Variants in ALS2 observed in about 807,000 individuals in gnomAD.
ALS2 encodes alsin Rho guanine nucleotide exchange factor ALS2.
ALS2 carries 117 observed loss-of-function variants against 203.4 expected under a neutral mutation model. That is an observed-to-expected ratio of 0.58 (90% CI 0.50 to 0.67). The LOEUF (loss-of-function observed/expected upper bound fraction) is 0.67, where lower values mean the gene tolerates loss of function less well. ALS2 is among the 30% of genes least tolerant of loss of function. The pLI, the probability that ALS2 is intolerant of heterozygous loss-of-function variation, is 0.00. For synonymous variants in ALS2, 718 were observed against 725.9 expected (o/e 0.99, Z 0.17); for missense variants, 1,715 against 1,989.4 (o/e 0.86, Z 2.62).
intron 1 of ALS2, among the ~76,000 whole-genome samples, chr2:201,771,786 C>T (rs909103419): frequency 6.6e-6 from 1 of 152,158 alleles, no homozygotes; most frequent in South Asian, 2.1e-4. Context: ...GGGGATATTT[C>T]TTCCAGAGAA....
At chr2:201,763,107 C>A in intron 3 of ALS2, 1 of 199,302 alleles carries the variant, frequency 5.0e-6, no homozygotes. Flanking sequence ...CCACTGGGGA[C>A]TACAATGGCC....
chr2:201,762,906 A>C (rs1245991984), intron 3 of ALS2: 5 of 155,994 alleles, frequency 3.2e-5, no homozygotes, highest in African/African-American at 1.2e-4. Flanking sequence ...CCCATGACCA[A>C]GCTGAGCTGC....
intron 17 of ALS2, 113 bp downstream of exon 17, chr2:201,727,099 G>T: frequency 1.8e-6 from 2 of 1,092,994 alleles, no homozygotes; most frequent in Non-Finnish European, 2.8e-6. Flanking sequence ...AGATTTATCA[G>T]ACAGAACTGT....
chr2:201,778,485 A>C (rs1349939917), intron 1 of ALS2: 3 of 152,202 alleles, frequency 2.0e-5, no homozygotes, highest in African/African-American at 7.2e-5. Flanking sequence ...ATCAAGACAT[A>C]AGCTAAAGAA....
At chr2:201,777,629 A>G (rs1694717414) in intron 1 of ALS2, among the ~76,000 whole-genome samples, 1 of 152,190 alleles carries the variant, frequency 6.6e-6, no homozygotes, top group Admixed American at 6.5e-5. Flanking sequence ...ACAAGAAAAA[A>G]TAAGTTACAG....
Position 201,761,943 on chromosome 2 carries a change from A to T in ALS2, c.176-125T>A, listed in dbSNP as rs1276082010. 5 of 1,074,566 alleles carry T rather than the reference A, an allele frequency of 4.7e-6. No individual in the cohort carries two copies. In the Admixed American group the frequency reaches 7.2e-5, roughly 15 times the overall value. The allele number at this position is 1,074,566 out of a possible 1,614,324, so 66.6% of individuals were successfully genotyped here. A position where few individuals can be genotyped will look rare whatever the true frequency, so the allele number is the denominator to read the frequency against. On this transcript the variant is annotated intron_variant, in intron 3 of 33. Coordinates refer to ENST00000264276, the MANE Select transcript of ALS2 (RefSeq NM_020919.4). ...TGGATTTTCTTTTTAAATTTTCAAA[A>T]GCAGTTGTAGAAATCTGGTTCAAGC...
At chr2:201,748,016 C>G (rs550530178) in intron 8 of ALS2, among the ~76,000 whole-genome samples, 1 of 152,310 alleles carries the variant, frequency 6.6e-6, no homozygotes, top group South Asian at 2.1e-4. Context: ...CCTCTAACCT[C>G]TAGACCCAGC....
rs1205955960 is a variant in ALS2 at position 201,727,687 on chromosome 2, G to A, written c.2912+18C>T. ...ACAGACTTGGACGGGGTGGGGTGGG[G>A]AGGGGGGACGCACTTACACACCACC... On this transcript the variant is annotated intron_variant, in intron 16 of 33. Coordinates refer to ENST00000264276, the MANE Select transcript of ALS2 (RefSeq NM_020919.4). 6.5e-7 allele frequency: 1 copy of A among 1,534,912 alleles called. No homozygotes were observed. Among genetic ancestry groups the A allele is most frequent in the Non-Finnish European group, 8.8e-7 (1 of 1,134,380 alleles).
intron 9 of ALS2, among the ~76,000 whole-genome samples, chr2:201,744,631 G>T (rs185025920): frequency 5.9e-5 from 9 of 152,032 alleles, no homozygotes; most frequent in Non-Finnish European, 1.3e-4. Context: ...GTTTTTTTTG[G>T]GGGGGTCGTC....
intron 25 of ALS2, among the ~76,000 whole-genome samples, chr2:201,711,778 G>T (rs987311362): frequency 6.6e-6 from 1 of 152,124 alleles, no homozygotes; most frequent in Non-Finnish European, 1.5e-5. Flanking sequence ...TATTATTAGA[G>T]ATTTTAGATA....
intron 1 of ALS2, among the ~76,000 whole-genome samples, chr2:201,773,219 T>C (rs1369391807): frequency 3.9e-5 from 6 of 152,192 alleles, no homozygotes; most frequent in African/African-American, 1.4e-4. Flanking sequence ...AATTTTATGG[T>C]GAACACTCAC....
At chr2:201,741,397 C>A in intron 11 of ALS2, 1 of 331,794 alleles carries the variant, frequency 3.0e-6, no homozygotes, top group Non-Finnish European at 5.7e-6. Flanking sequence ...TCTAAAGAAC[C>A]AGACTTATTA....
intron 1 of ALS2, among the ~76,000 whole-genome samples, chr2:201,771,842 TCTG>T (rs1054823482): frequency 1.3e-4 from 20 of 152,374 alleles, no homozygotes; most frequent in African/African-American, 4.6e-4. Flanking sequence ...ATCCTTGTAC[TCTG>T]CTGCTTTTCT....
intron 2 of ALS2, among the ~76,000 whole-genome samples, chr2:201,768,075 T>A (rs1007567300): frequency 6.6e-6 from 1 of 152,152 alleles, no homozygotes; most frequent in African/African-American, 2.4e-5. Context: ...TCATAAAATT[T>A]TATAGTAAGT....
Position 201,761,686 on chromosome 2 carries a change from C to T in ALS2, c.308G>A (p.Ser103Asn). 6.2e-7 allele frequency: 1 copy of T among 1,614,214 alleles called. No individual in the cohort carries two copies. The highest frequency in any genetic ancestry group is 2.2e-5 in the East Asian group (1 of 44,880). ...GACACCATTGTCTGTCACTGCTCCA[C>T]TATGGAAGCTTCCTGTTGCCACAGT... ...VITVATGSFH[S>N]GAVTDNGVAY... is the part of the protein sequence containing the mutation. Residue 103 changes from serine (S) to asparagine (N), a missense_variant, in exon 4 of 34, where the codon AGT (serine) becomes AAT (asparagine). Physicochemically the swap from Ser to Asn is conservative, Grantham distance 46 (BLOSUM62 1). This residue lies in a region of ALS2 where 476 missense variants were observed against 539.3 expected (regional missense o/e 0.88). Coordinates refer to ENST00000264276, the MANE Select transcript of ALS2 (RefSeq NM_020919.4).
intron 7 of ALS2, among the ~76,000 whole-genome samples, 186 bp from the exon 8 acceptor site, chr2:201,749,975 C>T (rs927198174): frequency 3.3e-5 from 5 of 151,932 alleles, no homozygotes; most frequent in African/African-American, 7.2e-5. Flanking sequence ...AGAGATAATG[C>T]GCAAATAGAG....
chr2:201,754,550 C>T lies in ALS2; in HGVS notation c.1593G>A (p.Trp531Ter). ...LPSLRTEVWT[W>*]GKGKEGQLGH... ...CCAGCTGCCCTTCCTTCCCTTTCCC[C>T]CAGGTCCACACTTCTGTTCTCAGAG... Residue 531 changes from tryptophan to a stop codon, truncating the protein, a stop_gained, in exon 6 of 34, where the codon TGG becomes TGA. Transcript: ENST00000264276. LOFTEE classifies it high-confidence loss of function. 6.2e-7 allele frequency: 1 copy of T among 1,614,122 alleles called. No individual in the cohort carries two copies. The highest frequency in any genetic ancestry group is 8.5e-7 in the Non-Finnish European group (1 of 1,180,006).
chr2:201,724,222 T>C, intron 21 of ALS2, 73 bp downstream of exon 21: 2 of 1,498,246 alleles, frequency 1.3e-6, no homozygotes, highest in East Asian at 2.3e-5. Context: ...AAAATAAGTA[T>C]AAACTGCTTG....
intron 8 of ALS2, 85 bp from the exon 9 acceptor site, chr2:201,746,833 G>A: frequency 6.7e-7 from 1 of 1,489,314 alleles, no homozygotes; most frequent in East Asian, 2.3e-5. Context: ...ACGTTAGGTT[G>A]CTTAAATAAG....
Sources: gnomAD v4.1 joint callset for allele counts (sites outside exome capture counted in the v4.1 genomes callset) on GRCh38, gnomAD v4.1.1 for gene constraint, gnomAD v4.1.1 regional missense constraint, MANE v1.5 for transcripts, NCBI Gene and HGNC (gene_info 2026-07-23, HGNC 2026-07-21) for gene names.